NAV3: variants seen among roughly 807,000 people sequenced by gnomAD.
The protein encoded by NAV3 is neuron navigator 3.
A neutral mutation model predicts 244.7 loss-of-function variants in NAV3; 87 were observed. That is an observed-to-expected ratio of 0.36 (90% CI 0.30 to 0.42). NAV3 has a LOEUF of 0.42. Ranked by LOEUF, NAV3 falls within the 20% of genes least tolerant of loss-of-function variation. The pLI is 1.00. For missense variants in NAV3, 2,663 were observed against 2,893.3 expected, an observed-to-expected ratio of 0.92 and a Z score of 1.83; for synonymous variants, 1,126 against 1,042.2, an observed-to-expected ratio of 1.08 and a Z score of -1.55.
intron 5 of NAV3, among the ~76,000 whole-genome samples, chr12:77,976,910 C>T (rs1868545614): frequency 6.6e-6 from 1 of 152,004 alleles, no homozygotes; most frequent in African/African-American, 2.4e-5. Flanking sequence ...ATCTTGACCT[C>T]ATGATCTGCC....
At chr12:77,891,113 T>C (rs1448777329) in intron 1 of NAV3, among the ~76,000 whole-genome samples, 1 of 151,962 alleles carries the variant, frequency 6.6e-6, no homozygotes, top group African/African-American at 2.4e-5. Context: ...ATTCCTGTCT[T>C]AAATGTTGAC....
At chr12:78,209,800 A>C (rs1960712907) in intron 39 of NAV3, among the ~76,000 whole-genome samples, 1 of 152,166 alleles carries the variant, frequency 6.6e-6, no homozygotes. Context: ...TTTAGCCAGA[A>C]ATTTAACAAC....
intron 2 of NAV3, among the ~76,000 whole-genome samples, chr12:77,736,527 G>A (rs185850742): frequency 3.3e-5 from 5 of 152,234 alleles, no homozygotes; most frequent in East Asian, 3.9e-4. Flanking sequence ...TTTGCCCTGC[G>A]ATGTAATCCC....
chr12:77,663,909 C>T (rs929868019), intron 2 of NAV3, among the ~76,000 whole-genome samples: 1 of 152,166 alleles, frequency 6.6e-6, no homozygotes, highest in African/African-American at 2.4e-5. Context: ...TATATGTGTA[C>T]ATATTGTTTT....
intron 2 of NAV3, among the ~76,000 whole-genome samples, chr12:77,679,183 A>G (rs1323631439): frequency 6.6e-6 from 1 of 152,132 alleles, no homozygotes; most frequent in Non-Finnish European, 1.5e-5. Context: ...AGCTCTGTTA[A>G]GTTGCAATAT....
intron 2 of NAV3, among the ~76,000 whole-genome samples, chr12:77,614,630 G>A (rs1871077572): frequency 6.6e-6 from 1 of 152,138 alleles, no homozygotes; most frequent in Non-Finnish European, 1.5e-5. Context: ...ACCACGAGTT[G>A]TAGAGTCAGA....
intron 2 of NAV3, among the ~76,000 whole-genome samples, chr12:77,574,556 CAG>C (rs1217733621): frequency 6.6e-6 from 1 of 152,048 alleles, no homozygotes; most frequent in Non-Finnish European, 1.5e-5. Context: ...ATAGGTGAAA[CAG>C]AACGCATTTA....
At chr12:78,150,631 T>C (rs2694675) in intron 22 of NAV3, among the ~76,000 whole-genome samples, 38 of 144,228 alleles carry the variant, frequency 2.6e-4, no homozygotes, top group African/African-American at 9.1e-4. Flanking sequence ...AAAAGCTTCC[T>C]CACACACACA....
At chr12:77,826,183 A>G (rs1401236393), upstream of NAV3, among the ~76,000 whole-genome samples, 3 of 152,184 alleles carry the variant, frequency 2.0e-5, no homozygotes, top group Non-Finnish European at 4.4e-5. Flanking sequence ...TCCATGAGAA[A>G]ATAAAATAAA....
chr12:77,999,951 C>T (rs758588622), intron 7 of NAV3, among the ~76,000 whole-genome samples: 23 of 152,062 alleles, frequency 1.5e-4, no homozygotes, highest in Admixed American at 3.3e-4. Context: ...TTAAGCAACA[C>T]GATACCACCG....
At chr12:78,102,201 T>C (rs568124283) in intron 12 of NAV3, among the ~76,000 whole-genome samples, 12 of 152,244 alleles carry the variant, frequency 7.9e-5, no homozygotes, top group African/African-American at 2.6e-4. Context: ...CTAGATACAA[T>C]GGGAGTACTG....
At chr12:78,185,046 G>A (rs185165685) in intron 30 of NAV3, among the ~76,000 whole-genome samples, 137 of 151,758 alleles carry the variant, frequency 9.0e-4, no homozygotes, top group African/African-American at 2.5e-3. Context: ...AAAGGATTCC[G>A]GAGAGCAATC....
chr12:77,657,285 A>G (rs539121188), intron 2 of NAV3, among the ~76,000 whole-genome samples: 64 of 152,348 alleles, frequency 4.2e-4, no homozygotes, highest in Non-Finnish European at 6.2e-4. Context: ...ATCACCACCG[A>G]TCCCACAGAA....
chr12:78,124,679 C>G (rs1227504714), intron 16 of NAV3, among the ~76,000 whole-genome samples: 2 of 152,026 alleles, frequency 1.3e-5, no homozygotes, highest in South Asian at 4.1e-4. Context: ...GTCTCGAACT[C>G]CTGACTTCAA....
intron 1 of NAV3, among the ~76,000 whole-genome samples, chr12:77,871,624 T>C (rs992534867): frequency 1.3e-5 from 2 of 152,202 alleles, no homozygotes; most frequent in African/African-American, 4.8e-5. Flanking sequence ...AACTCATCCT[T>C]TTTTATGGCT....
intron 5 of NAV3, among the ~76,000 whole-genome samples, chr12:77,974,917 A>T (rs1253657408): frequency 2.0e-5 from 3 of 152,210 alleles, no homozygotes. Context: ...TGAAGATCAT[A>T]TCACATGTGT....
At chr12:78,207,464 T>G (rs868244502) in intron 39 of NAV3, among the ~76,000 whole-genome samples, 1 of 152,158 alleles carries the variant, frequency 6.6e-6, no homozygotes, top group Non-Finnish European at 1.5e-5. Flanking sequence ...GAAGAGAGAC[T>G]TCTACCTATA....
chr12:77,688,445 G>A (rs144357091), intron 2 of NAV3, among the ~76,000 whole-genome samples: 1 of 152,084 alleles, frequency 6.6e-6, no homozygotes, highest in African/African-American at 2.4e-5. Flanking sequence ...ATGAGGATAA[G>A]GATCTTGTTA....
At chr12:77,623,058 G>A (rs931865247) in intron 2 of NAV3, among the ~76,000 whole-genome samples, 1 of 152,184 alleles carries the variant, frequency 6.6e-6, no homozygotes, top group Non-Finnish European at 1.5e-5. Context: ...ACAGAAGTGT[G>A]ACTTGCTAAA....
Sources: gnomAD v4.1 joint callset for allele counts (sites outside exome capture counted in the v4.1 genomes callset) on GRCh38, gnomAD v4.1.1 for gene constraint, MANE v1.5 for transcripts, NCBI Gene and HGNC (gene_info 2026-07-23, HGNC 2026-07-21) for gene names.